The following IFT52 variants were observed in gnomAD, a reference collection of about 807,000 sequenced individuals.
IFT52 encodes the protein intraflagellar transport 52.
A neutral mutation model predicts 54.4 loss-of-function variants in IFT52; 44 were observed. That is an observed-to-expected ratio of 0.81 (90% CI 0.63 to 1.04). The LOEUF (loss-of-function observed/expected upper bound fraction) is 1.04. IFT52 is among the 50% of genes least tolerant of loss of function. The pLI, the probability that IFT52 is intolerant of heterozygous loss-of-function variation, is 0.00. For missense variants in IFT52, 452 were observed against 523.6 expected, an observed-to-expected ratio of 0.86 and a Z score of 1.33; for synonymous variants, 181 against 185.3, an observed-to-expected ratio of 0.98 and a Z score of 0.19.
intron 10 of IFT52, among the ~76,000 whole-genome samples, chr20:43,634,049 C>T (rs62225648): frequency 8.0e-4 from 122 of 151,602 alleles, no homozygotes; most frequent in Admixed American, 1.6e-3. Flanking sequence ...CACACTCGCT[C>T]GTAGTCCTGG....
intron 10 of IFT52, among the ~76,000 whole-genome samples, chr20:43,634,844 T>A (rs1985412900): frequency 6.6e-6 from 1 of 152,102 alleles, no homozygotes; most frequent in Admixed American, 6.5e-5. Context: ...CCTATGTGTC[T>A]GTGTGCTCTC....
At position 43,596,532 on chromosome 20, in the gene IFT52, AT is replaced by A. The variant is rs1981974274; in HGVS notation, c.207+11del. The A allele has an allele frequency of 1.3e-6, 2 of 1,548,388 alleles. No homozygotes were observed. The highest frequency in any genetic ancestry group is 2.7e-5 in the African/African-American group (2 of 73,678). ...ATTTACTGCAGCTGAGGTAAGAAAT[AT>A]CCACTAAAGAAGGAATATGGTGAAA... is the stretch of plus-strand genomic sequence containing the variant. On this transcript the variant is annotated intron_variant, in intron 3 of 13. Transcript: ENST00000373030.
At chr20:43,611,891 G>A (rs191898015) in intron 6 of IFT52, among the ~76,000 whole-genome samples, 3 of 151,426 alleles carry the variant, frequency 2.0e-5, no homozygotes, top group South Asian at 2.1e-4. Context: ...GTAGCCGGGC[G>A]TGGTGGTGCA....
At chr20:43,619,421 C>T (rs1984100688) in intron 8 of IFT52, among the ~76,000 whole-genome samples, 1 of 152,020 alleles carries the variant, frequency 6.6e-6, no homozygotes, top group Non-Finnish European at 1.5e-5. Context: ...TGTGTTTCTT[C>T]TTTTTTTGTT....
At chr20:43,602,395 C>T (rs887299047) in intron 3 of IFT52, among the ~76,000 whole-genome samples, 1 of 151,990 alleles carries the variant, frequency 6.6e-6, no homozygotes, top group South Asian at 2.1e-4. Flanking sequence ...CTCCTGACCT[C>T]AAGTGATCCA....
At chr20:43,618,286 TTGTAACCTCGA>T (rs1011406642) in intron 7 of IFT52, 1 of 151,170 alleles carries the variant, frequency 6.6e-6, no homozygotes, top group Non-Finnish European at 1.5e-5. Context: ...TCATAGCTCA[TTGTAACCTCGA>T]GCTCCTGGGC....
intron 10 of IFT52, among the ~76,000 whole-genome samples, chr20:43,627,899 A>ATG: frequency 1.3e-5 from 1 of 78,542 alleles, no homozygotes; most frequent in Non-Finnish European, 2.7e-5. Context: ...TATGTCATAT[A>ATG]TATATAGAGA....
intron 3 of IFT52, among the ~76,000 whole-genome samples, chr20:43,600,461 C>T (rs959168979): frequency 3.9e-5 from 6 of 152,008 alleles, no homozygotes; most frequent in Non-Finnish European, 7.4e-5. Flanking sequence ...CCCACCACCA[C>T]GCCCGGCTAA....
rs139612070 is a variant in IFT52, at chr20:43,614,360, G to C, written c.612+384G>C. 9.9e-5 allele frequency among the ~76,000 whole-genome samples: 15 copies of C among 151,168 alleles called. No homozygotes were observed. In the East Asian group the frequency reaches 2.6e-3, roughly 26 times the overall value. On this transcript the variant is annotated intron_variant, in intron 7 of 13. Coordinates refer to ENST00000373030, the MANE Select transcript of IFT52 (RefSeq NM_016004.5). ...CGCCATTCTCCTGCCTCAGCCTCCC[G>C]AGTAGCTAAGACTACAGGCACCTAC...
At chr20:43,611,561 C>T (rs1216185378) in intron 6 of IFT52, among the ~76,000 whole-genome samples, 1 of 148,700 alleles carries the variant, frequency 6.7e-6, no homozygotes, top group Non-Finnish European at 1.5e-5. Context: ...CTCCTGACTC[C>T]CGAGTAGCTG....
intron 10 of IFT52, among the ~76,000 whole-genome samples, chr20:43,634,233 AGAAG>A (rs1291576392): frequency 6.6e-6 from 1 of 151,936 alleles, no homozygotes; most frequent in Non-Finnish European, 1.5e-5. Context: ...AAATAGAAGA[AGAAG>A]AAAAAAGATA....
At chr20:43,640,703 C>T (rs1357028575) in intron 12 of IFT52, among the ~76,000 whole-genome samples, 2 of 152,038 alleles carry the variant, frequency 1.3e-5, no homozygotes, top group African/African-American at 4.8e-5. Flanking sequence ...AAAAAACATA[C>T]ATTTCTATCA....
intron 10 of IFT52, among the ~76,000 whole-genome samples, chr20:43,626,181 G>A (rs934034136): frequency 2.6e-5 from 4 of 151,934 alleles, no homozygotes; most frequent in African/African-American, 9.7e-5. Context: ...TTAACCTGGT[G>A]GTCAGAAGAG....
intron 2 of IFT52, 85 bp downstream of exon 2, chr20:43,594,902 A>G (rs1601016985): frequency 2.5e-6 from 2 of 803,062 alleles, no homozygotes; most frequent in East Asian, 2.4e-5. Context: ...CTTAGGTAAC[A>G]TAGATTGTTT....
intron 3 of IFT52, among the ~76,000 whole-genome samples, chr20:43,600,696 C>T (rs571709490): frequency 3.3e-5 from 5 of 152,248 alleles, no homozygotes; most frequent in South Asian, 2.1e-4. Flanking sequence ...TTGAGCTGGG[C>T]GCAGTAGCTT....
chr20:43,619,501 AAGG>A (rs779961905), intron 8 of IFT52, among the ~76,000 whole-genome samples: 1 of 152,054 alleles, frequency 6.6e-6, no homozygotes, highest in Non-Finnish European at 1.5e-5. Flanking sequence ...GGAAAGTGGA[AAGG>A]AGGAGGCAGC....
At chr20:43,628,610 T>C (rs1984921665) in intron 10 of IFT52, among the ~76,000 whole-genome samples, 1 of 152,140 alleles carries the variant, frequency 6.6e-6, no homozygotes, top group Non-Finnish European at 1.5e-5. Flanking sequence ...CCCAGCACTT[T>C]GGGAGGCCGA....
intron 9 of IFT52, 94 bp downstream of exon 9, chr20:43,621,019 T>A: frequency 1.2e-6 from 1 of 868,914 alleles, no homozygotes; most frequent in Non-Finnish European, 1.9e-6. Flanking sequence ...ATGACTGTCT[T>A]AACTCATCTG....
chr20:43,621,891 T>G (rs1411019496), intron 9 of IFT52, among the ~76,000 whole-genome samples: 1 of 152,192 alleles, frequency 6.6e-6, no homozygotes, highest in Admixed American at 6.6e-5. Context: ...TCCACATAAG[T>G]CATCTTATTT....
Sources: gnomAD v4.1 joint callset for allele counts (sites outside exome capture counted in the v4.1 genomes callset) on GRCh38, gnomAD v4.1.1 for gene constraint, MANE v1.5 for transcripts, NCBI Gene and HGNC (gene_info 2026-07-23, HGNC 2026-07-21) for gene names.